GABARAPL1: variants seen among roughly 807,000 people sequenced by gnomAD.
The protein encoded by GABARAPL1 is gamma-aminobutyric acid receptor-associated protein-like 1.
A neutral mutation model predicts 14.5 loss-of-function variants in GABARAPL1; 4 were observed. That is an observed-to-expected ratio of 0.28 (90% CI 0.14 to 0.63). The LOEUF (loss-of-function observed/expected upper bound fraction) is 0.63, where lower values mean the gene tolerates loss of function less well. Among genes scored for constraint, GABARAPL1 ranks in the 30% least tolerant of loss-of-function variants. The pLI is 0.84. For synonymous variants in GABARAPL1, 47 were observed against 50.6 expected, an observed-to-expected ratio of 0.93 and a Z score of 0.30; for missense variants, 82 against 139.2, an observed-to-expected ratio of 0.59 and a Z score of 2.07.
rs922180220 is a variant in GABARAPL1, at chr12:10,221,780, C to T, written c.289-7C>T. ...TTTCTAAACTGTTGTCTTATCTCTT[C>T]CCCTAGGACAATCATGAGGAAGACT... On this transcript the variant is annotated splice_polypyrimidine_tract_variant and splice_region_variant and intron_variant, in intron 3 of 3. Coordinates refer to ENST00000266458, the MANE Select transcript of GABARAPL1 (RefSeq NM_031412.4). 1.2e-6 allele frequency: 2 copies of T among 1,613,862 alleles called. No homozygotes were observed. Among genetic ancestry groups the T allele is most frequent in the East Asian group, 2.2e-5 (1 of 44,884 alleles).
chr12:10,222,119 G>T lies in GABARAPL1; in HGVS notation c.*267G>T. 1 of 465,992 alleles carries T rather than the reference G, an allele frequency of 2.1e-6. No homozygotes were observed. The allele number at this position is 465,992 out of a possible 1,614,324, so 28.9% of individuals were successfully genotyped here. On this transcript the variant is annotated 3_prime_UTR_variant, in exon 4 of 4. Coordinates refer to ENST00000266458, the MANE Select transcript of GABARAPL1 (RefSeq NM_031412.4). ...GGAATGGGGATGATGTAAGTTTACA[G>T]TATTCCTGGGGTTTAATTGTTGTGC...
chr12:10,221,037 T>A lies in GABARAPL1; in HGVS notation c.288+479T>A, dbSNP rs1949118145. ...AGGCCAGCCTCTGCCAACTGAAGGA[T>A]TCTCCCCACAGTCAGCTTCTTCTAT... On this transcript the variant is annotated intron_variant, in intron 3 of 3. Transcript: ENST00000266458. The A allele has an allele frequency of 4.1e-6, 4 of 984,982 alleles. No individual in the cohort carries two copies. The South Asian group carries it at 1.9e-4, about 46-fold the overall frequency. The allele number at this position is 984,982 out of a possible 1,614,324, so 61.0% of individuals were successfully genotyped here.
rs759047838 is a variant in GABARAPL1 at position 10,213,920 on chromosome 12, G to C, written c.90+701G>C. 6 of 454,740 alleles carry C rather than the reference G, an allele frequency of 1.3e-5. 1 individual carries two copies. In the Middle Eastern group the frequency reaches 1.6e-3, roughly 124 times the overall value. 28.2% of individuals were successfully genotyped at this position (454,740 alleles called of 1,614,324 possible). On this transcript the variant is annotated intron_variant, in intron 1 of 3. Coordinates refer to ENST00000266458, the MANE Select transcript of GABARAPL1 (RefSeq NM_031412.4). ...CCTGGTCGCGATAAGGCAGGACTGA[G>C]ACGTTTTTTCTCCGTTTTGGACACC...
At chr12:10,221,567 C>A in intron 3 of GABARAPL1, 1 of 490,278 alleles carries the variant, frequency 2.0e-6, no homozygotes, top group Non-Finnish European at 2.6e-6. Flanking sequence ...TCTTCATATC[C>A]CTGATACCTA....
At chr12:10,214,296 C>G (rs116106462) in intron 1 of GABARAPL1, 3 of 155,690 alleles carry the variant, frequency 1.9e-5, no homozygotes, top group Non-Finnish European at 4.3e-5. Context: ...CCTTACCTAA[C>G]GTTCGTGGTT....
chr12:10,219,211 C>T (rs1949106431), intron 2 of GABARAPL1, among the ~76,000 whole-genome samples: 1 of 151,596 alleles, frequency 6.6e-6, no homozygotes, highest in Admixed American at 6.6e-5. Flanking sequence ...CCCAGCTACT[C>T]AGGAGGCCAA....
In GABARAPL1 at chr12:10,212,927, G is replaced by A; in HGVS notation, c.-203G>A. On this transcript the variant is annotated 5_prime_UTR_variant, in exon 1 of 4. Coordinates refer to ENST00000266458, the MANE Select transcript of GABARAPL1 (RefSeq NM_031412.4). ...AAAGCCGCCGGTATTTCTCCATCTG[G>A]CTCTCCTCTACCTCCAGGCAGGCTC... The A allele has an allele frequency of 1.9e-6, 1 of 538,652 alleles. No homozygotes were observed. The highest frequency in any genetic ancestry group is 3.3e-6 in the Non-Finnish European group (1 of 299,008). 33.4% of individuals were successfully genotyped at this position (538,652 alleles called of 1,614,324 possible). A position where few individuals can be genotyped will look rare whatever the true frequency, so the allele number is the denominator to read the frequency against.
At chr12:10,217,358 A>C (rs1360616684) in intron 1 of GABARAPL1, among the ~76,000 whole-genome samples, 1 of 152,220 alleles carries the variant, frequency 6.6e-6, no homozygotes, top group Non-Finnish European at 1.5e-5. Context: ...ACCTTTAATA[A>C]ATGGTATTTA....
intron 1 of GABARAPL1, among the ~76,000 whole-genome samples, chr12:10,217,634 G>A (rs2137588599): frequency 6.6e-6 from 1 of 152,324 alleles, no homozygotes; most frequent in African/African-American, 2.4e-5. Context: ...TCAGGAGGCT[G>A]AGGCAGGAGA....
intron 2 of GABARAPL1, 80 bp from the exon 3 acceptor site, chr12:10,220,360 T>C: frequency 6.3e-7 from 1 of 1,584,756 alleles, no homozygotes; most frequent in Non-Finnish European, 8.6e-7. Context: ...TGCAATTGAA[T>C]TTTTTTCCAG....
intron 1 of GABARAPL1, among the ~76,000 whole-genome samples, chr12:10,217,822 T>C (rs957713675): frequency 2.0e-5 from 3 of 152,180 alleles, no homozygotes; most frequent in Non-Finnish European, 4.4e-5. Context: ...TCAAAGTTCT[T>C]TTTACTTTTC....
intron 3 of GABARAPL1, chr12:10,221,133 C>A: frequency 1.0e-6 from 1 of 984,416 alleles, no homozygotes; most frequent in Non-Finnish European, 1.2e-6. Flanking sequence ...TAGAACAAAA[C>A]TAAAACTGTG....
chr12:10,218,499 G>A (rs1445982400), intron 2 of GABARAPL1, among the ~76,000 whole-genome samples: 1 of 151,908 alleles, frequency 6.6e-6, no homozygotes, highest in Non-Finnish European at 1.5e-5. Context: ...TGTGAACCCG[G>A]GAGGCAGAGC....
Position 10,212,900 on chromosome 12 carries a change from G to T in GABARAPL1, c.-230G>T, listed in dbSNP as rs991726847. On this transcript the variant is annotated 5_prime_UTR_variant, in exon 1 of 4. Transcript: ENST00000266458. ...CTGTTTTTGTGCTCCCAGCTCTAGC[G>T]AAAAGCCGCCGGTATTTCTCCATCT... 2 of 468,744 alleles carry T rather than the reference G, an allele frequency of 4.3e-6. No individual in the cohort carries two copies. Among genetic ancestry groups the T allele is most frequent in the Non-Finnish European group, 3.9e-6 (1 of 259,178 alleles). The allele number at this position is 468,744 out of a possible 1,614,324, so 29.0% of individuals were successfully genotyped here.
intron 3 of GABARAPL1, chr12:10,221,249 G>T: frequency 2.4e-5 from 23 of 976,830 alleles, no homozygotes; most frequent in Non-Finnish European, 2.8e-5. Context: ...AACTCAGGAG[G>T]AATAATTTTT....
intron 1 of GABARAPL1, among the ~76,000 whole-genome samples, chr12:10,216,036 A>T (rs1234425481): frequency 1.3e-5 from 2 of 152,126 alleles, no homozygotes; most frequent in Middle Eastern, 3.4e-3. Context: ...TCACATTCAC[A>T]TCATATCAAT....
At chr12:10,214,426 G>GT (rs1274817846) in intron 1 of GABARAPL1, 1 of 152,344 alleles carries the variant, frequency 6.6e-6, no homozygotes, top group East Asian at 1.9e-4. Context: ...TTACAAAAAG[G>GT]TTTTCAGCTT....
At chr12:10,221,426 A>G (rs1442729650) in intron 3 of GABARAPL1, 2 of 949,386 alleles carry the variant, frequency 2.1e-6, no homozygotes, top group African/African-American at 1.8e-5. Context: ...TAAACTTCTA[A>G]TAATCCTGAA....
Position 10,220,566 on chromosome 12 carries a change from T to A in GABARAPL1, c.288+8T>A, listed in dbSNP as rs1406411052. ...ATGGGCCAACTGTATGAGGTAATGG[T>A]TCTGGTTGCACAATACTGGATGCCG... On this transcript the variant is annotated splice_region_variant and intron_variant, in intron 3 of 3. Transcript: ENST00000266458. 9 of 1,613,932 alleles carry A rather than the reference T, an allele frequency of 5.6e-6. No homozygotes were observed. The highest frequency in any genetic ancestry group is 7.6e-6 in the Non-Finnish European group (9 of 1,179,978).
Sources: allele counts gnomAD v4.1 joint callset (sites outside exome capture counted in the v4.1 genomes callset), GRCh38; gene constraint gnomAD v4.1.1; transcripts MANE v1.5; gene names NCBI Gene and HGNC (gene_info 2026-07-23, HGNC 2026-07-21).